Variants in SEMA3A observed in about 807,000 individuals in gnomAD.
The protein encoded by SEMA3A is semaphorin-3A.
Under a neutral mutation model 97.9 loss-of-function variants are expected in SEMA3A, and 29 were observed. That is an observed-to-expected ratio of 0.30 (90% CI 0.22 to 0.40). The LOEUF is 0.40. Among genes scored for constraint, SEMA3A ranks in the 10% least tolerant of loss-of-function variants. The pLI is 1.00. For synonymous variants in SEMA3A, 321 were observed against 323.7 expected (o/e 0.99, Z 0.09); for missense variants, 763 against 951.3 (o/e 0.80, Z 2.60).
chr7:84,135,186 G>A (rs1200657311), intron 1 of SEMA3A, among the ~76,000 whole-genome samples: 1 of 150,030 alleles, frequency 6.7e-6, no homozygotes, highest in Non-Finnish European at 1.5e-5. Flanking sequence ...GCGGGATCTC[G>A]GTTCACCACA....
chr7:83,971,323 T>C (rs1374197338), intron 15 of SEMA3A, among the ~76,000 whole-genome samples: 2 of 152,002 alleles, frequency 1.3e-5, no homozygotes, highest in Admixed American at 6.6e-5. Context: ...TCCCAGCTAC[T>C]TGGGAGGCTG....
At chr7:84,003,470 A>C (rs1790542391) in intron 11 of SEMA3A, among the ~76,000 whole-genome samples, 1 of 152,138 alleles carries the variant, frequency 6.6e-6, no homozygotes, top group African/African-American at 2.4e-5. Flanking sequence ...AAATTACTGT[A>C]ATCAGTTTAC....
At chr7:83,991,362 T>C (rs1187885613) in intron 12 of SEMA3A, among the ~76,000 whole-genome samples, 2 of 151,744 alleles carry the variant, frequency 1.3e-5, no homozygotes, top group Admixed American at 6.6e-5. Context: ...CTATGTTGAA[T>C]AGGAGTGGTG....
At chr7:84,460,867 C>A (rs1016519034) in intron 1 of SEMA3A, among the ~76,000 whole-genome samples, 5 of 152,182 alleles carry the variant, frequency 3.3e-5, no homozygotes, top group African/African-American at 9.7e-5. Flanking sequence ...TGACTACCTG[C>A]AACTGGCACC....
At chr7:83,996,345 C>G (rs991660652) in intron 12 of SEMA3A, among the ~76,000 whole-genome samples, 1 of 137,828 alleles carries the variant, frequency 7.3e-6, no homozygotes, top group Non-Finnish European at 1.5e-5. Flanking sequence ...CTCTGTCGCT[C>G]AGGCTGGAGT....
At chr7:84,299,968 G>A (rs1165149295) in intron 3 of SEMA3A, among the ~76,000 whole-genome samples, 1 of 146,656 alleles carries the variant, frequency 6.8e-6, no homozygotes, top group Non-Finnish European at 1.5e-5. Flanking sequence ...GGAGGCGGAG[G>A]TTGTGGTGAG....
intron 3 of SEMA3A, among the ~76,000 whole-genome samples, chr7:84,291,921 A>G (rs1363169101): frequency 6.6e-6 from 1 of 152,140 alleles, no homozygotes; most frequent in South Asian, 2.1e-4. Context: ...CTGTGCTGTA[A>G]TCATTGAAGT....
chr7:83,989,071 T>G (rs1339269448), intron 12 of SEMA3A, among the ~76,000 whole-genome samples: 17 of 152,182 alleles, frequency 1.1e-4, no homozygotes, highest in Non-Finnish European at 2.2e-4. Context: ...GATACTTCTT[T>G]CATTCCAACA....
chr7:84,446,492 C>G (rs1168722605), intron 1 of SEMA3A, among the ~76,000 whole-genome samples: 1 of 151,966 alleles, frequency 6.6e-6, no homozygotes, highest in Non-Finnish European at 1.5e-5. Context: ...GGAATTTATT[C>G]TTGGAATAAA....
intron 1 of SEMA3A, among the ~76,000 whole-genome samples, chr7:84,175,557 C>T (rs955209550): frequency 6.6e-6 from 1 of 152,142 alleles, no homozygotes; most frequent in Non-Finnish European, 1.5e-5. Flanking sequence ...AATCAGTAGT[C>T]TGTATCATTT....
chr7:84,461,346 T>A (rs1805834900), intron 1 of SEMA3A, among the ~76,000 whole-genome samples: 1 of 152,120 alleles, frequency 6.6e-6, no homozygotes, highest in South Asian at 2.1e-4. Context: ...AATACCACAG[T>A]ATAAAGACAG....
chr7:84,056,350 G>C (rs536719039), intron 5 of SEMA3A, among the ~76,000 whole-genome samples: 16 of 152,322 alleles, frequency 1.1e-4, no homozygotes, highest in African/African-American at 3.8e-4. Context: ...ATGTGGCTTA[G>C]ATCAGTGAAT....
chr7:84,312,992 G>A (rs1278384247), intron 2 of SEMA3A, among the ~76,000 whole-genome samples: 1 of 135,554 alleles, frequency 7.4e-6, no homozygotes, highest in Non-Finnish European at 1.6e-5. Context: ...TTATACATGT[G>A]TATATAGATG....
intron 1 of SEMA3A, among the ~76,000 whole-genome samples, chr7:84,156,036 T>C (rs898759545): frequency 2.0e-5 from 3 of 152,174 alleles, no homozygotes; most frequent in Non-Finnish European, 2.9e-5. Flanking sequence ...AAGCCCTTTT[T>C]CTGAGTTAAA....
chr7:84,422,302 C>T (rs1484101132), intron 1 of SEMA3A, among the ~76,000 whole-genome samples: 1 of 151,204 alleles, frequency 6.6e-6, no homozygotes, highest in African/African-American at 2.4e-5. Context: ...AGTTTATTTG[C>T]CTAGAGGTGT....
At chr7:84,334,755 A>C (rs1801995479) in intron 2 of SEMA3A, among the ~76,000 whole-genome samples, 1 of 137,374 alleles carries the variant, frequency 7.3e-6, no homozygotes, top group Non-Finnish European at 1.5e-5. Context: ...TCCACTTTTC[A>C]TCCCTCCATC....
chr7:84,479,291 C>A (rs1368704810), intron 1 of SEMA3A, among the ~76,000 whole-genome samples: 1 of 152,028 alleles, frequency 6.6e-6, no homozygotes, highest in Non-Finnish European at 1.5e-5. Flanking sequence ...GCTGTCAATT[C>A]CTTAAAAAAA....
intron 1 of SEMA3A, among the ~76,000 whole-genome samples, chr7:84,466,508 T>G (rs946811239): frequency 6.6e-6 from 1 of 152,156 alleles, no homozygotes; most frequent in Admixed American, 6.5e-5. Context: ...TAAATGAAGA[T>G]TATATTTCCT....
chr7:84,237,764 T>C (rs1799269386), intron 3 of SEMA3A, among the ~76,000 whole-genome samples: 1 of 152,092 alleles, frequency 6.6e-6, no homozygotes, highest in Non-Finnish European at 1.5e-5. Context: ...TGCTCTGTAG[T>C]TTATGCCTTT....
Sources: gnomAD v4.1 joint callset for allele counts (sites outside exome capture counted in the v4.1 genomes callset) on GRCh38, gnomAD v4.1.1 for gene constraint, MANE v1.5 for transcripts, NCBI Gene and HGNC (gene_info 2026-07-23, HGNC 2026-07-21) for gene names.